The following GALNTL6 variants were observed in gnomAD, a reference collection of about 807,000 sequenced individuals.
The protein encoded by GALNTL6 is polypeptide N-acetylgalactosaminyltransferase like 6.
GALNTL6 carries 46 observed loss-of-function variants against 73.7 expected under a neutral mutation model. The ratio of observed to expected loss-of-function variants is 0.62; its 90% CI spans 0.49 to 0.80. The LOEUF (loss-of-function observed/expected upper bound fraction) is 0.80. GALNTL6 is among the 30% of genes least tolerant of loss of function. GALNTL6 has a pLI of 0.00. For synonymous variants in GALNTL6, 259 were observed against 263.7 expected (o/e 0.98, Z 0.17); for missense variants, 604 against 755.0 (o/e 0.80, Z 2.34).
At position 172,529,576 on chromosome 4, in the gene GALNTL6, A is replaced by G. The variant is rs76871711; in HGVS notation, c.553+180887A>G. 8.1e-4 allele frequency among the ~76,000 whole-genome samples: 123 copies of G among 152,290 alleles called. 1 individual carries two copies. Among genetic ancestry groups the G allele is most frequent in the African/African-American group, 2.9e-3 (121 of 41,562 alleles). ...ACTTTCTAAAATAAACACCTGTACCATAAGAAATTTAAGAATTTCTCATGT... is the reference window on the plus strand; with the variant it reads ...ACTTTCTAAAATAAACACCTGTACCGTAAGAAATTTAAGAATTTCTCATGT... On this transcript the variant is annotated intron_variant, in intron 5 of 12. Coordinates refer to ENST00000506823, the MANE Select transcript of GALNTL6 (RefSeq NM_001034845.3).
At chr4:172,374,305 C>A (rs774872721) in intron 5 of GALNTL6, among the ~76,000 whole-genome samples, 1 of 152,134 alleles carries the variant, frequency 6.6e-6, no homozygotes, top group Non-Finnish European at 1.5e-5. Flanking sequence ...GGGCCTGTTC[C>A]TCTTGGTTCC....
At chr4:172,224,052 A>C (rs1736772292) in intron 2 of GALNTL6, among the ~76,000 whole-genome samples, 1 of 152,178 alleles carries the variant, frequency 6.6e-6, no homozygotes, top group African/African-American at 2.4e-5. Context: ...TAATGATTTA[A>C]GGTTTTTCTC....
At chr4:171,866,704 T>C (rs1323866437) in intron 2 of GALNTL6, among the ~76,000 whole-genome samples, 1 of 152,218 alleles carries the variant, frequency 6.6e-6, no homozygotes, top group East Asian at 1.9e-4. Context: ...GGTCGGGTTC[T>C]GTTGAAGACA....
At chr4:172,860,784 T>C (rs1196936701) in intron 7 of GALNTL6, among the ~76,000 whole-genome samples, 1 of 152,216 alleles carries the variant, frequency 6.6e-6, no homozygotes, top group East Asian at 1.9e-4. Flanking sequence ...ACATTAATGA[T>C]GCTTAAATCA....
intron 12 of GALNTL6, among the ~76,000 whole-genome samples, chr4:173,037,589 A>G (rs138873024): frequency 1.2e-4 from 19 of 152,334 alleles, no homozygotes; most frequent in Non-Finnish European, 2.2e-4. Context: ...TAAAATGTTC[A>G]GAAAGTCTGG....
At chr4:172,238,742 A>G (rs2110987368) in intron 3 of GALNTL6, among the ~76,000 whole-genome samples, 1 of 152,260 alleles carries the variant, frequency 6.6e-6, no homozygotes, top group Non-Finnish European at 1.5e-5. Context: ...TGGGCTTGTC[A>G]CAGATGGCTC....
chr4:173,005,765 TGA>T (rs1377663207), intron 10 of GALNTL6, among the ~76,000 whole-genome samples: 1 of 152,174 alleles, frequency 6.6e-6, no homozygotes, highest in Non-Finnish European at 1.5e-5. Context: ...TATCCTATAG[TGA>T]ACTCACAGCA....
intron 7 of GALNTL6, among the ~76,000 whole-genome samples, chr4:172,831,157 C>CATA (rs1742611061): frequency 1.6e-5 from 1 of 63,882 alleles, no homozygotes; most frequent in African/African-American, 6.2e-5. Context: ...GACTCCCTCT[C>CATA]AAAAAAAAAA....
chr4:172,830,973 G>A (rs745319357), intron 7 of GALNTL6, among the ~76,000 whole-genome samples: 11 of 151,942 alleles, frequency 7.2e-5, no homozygotes, highest in South Asian at 4.2e-4. Context: ...CAGCCTGACC[G>A]ACATGGTGAA....
chr4:172,408,498 A>G (rs146699528), intron 5 of GALNTL6, among the ~76,000 whole-genome samples: 2,157 of 152,148 alleles, frequency 0.014, 29 homozygotes, highest in Middle Eastern at 0.031. Flanking sequence ...ATATATTTAC[A>G]TATGTGTGAC....
chr4:172,777,630 T>A (rs1739143432), intron 5 of GALNTL6, among the ~76,000 whole-genome samples: 1 of 152,234 alleles, frequency 6.6e-6, no homozygotes, highest in African/African-American at 2.4e-5. Context: ...ATTCATTTTC[T>A]TATCATTTCC....
At chr4:172,140,272 C>T (rs1404047756) in intron 2 of GALNTL6, among the ~76,000 whole-genome samples, 1 of 151,998 alleles carries the variant, frequency 6.6e-6, no homozygotes, top group Non-Finnish European at 1.5e-5. Context: ...TACCTTTAGG[C>T]TACATTCAGC....
intron 8 of GALNTL6, among the ~76,000 whole-genome samples, chr4:172,906,160 CA>C (rs974003105): frequency 5.3e-5 from 8 of 150,690 alleles, no homozygotes; most frequent in Non-Finnish European, 1.2e-4. Context: ...TTTACATGGC[CA>C]AAAGGAAATA....
At chr4:172,610,547 T>G (rs898303918) in intron 5 of GALNTL6, among the ~76,000 whole-genome samples, 2 of 152,098 alleles carry the variant, frequency 1.3e-5, no homozygotes, top group African/African-American at 4.8e-5. Flanking sequence ...TTCTGTGGCT[T>G]GAGAGTGTGC....
chr4:172,301,105 A>G (rs1361552965), intron 3 of GALNTL6, among the ~76,000 whole-genome samples: 1 of 151,478 alleles, frequency 6.6e-6, no homozygotes, highest in Admixed American at 6.6e-5. Flanking sequence ...TTCTCTCTTC[A>G]TTTCATTCAT....
Position 172,396,353 on chromosome 4 carries a change from C to T in GALNTL6, c.553+47664C>T, listed in dbSNP as rs189138488. 1.7e-4 allele frequency among the ~76,000 whole-genome samples: 25 copies of T among 146,146 alleles called. No homozygotes were observed. The East Asian group carries it at 1.8e-3, about 10-fold the overall frequency. ...TTTAAGTCTAAGCCTTTATATTCTA[C>T]GTGTTTTGATTTACCATAGTCCTCA... On this transcript the variant is annotated intron_variant, in intron 5 of 12. Coordinates refer to ENST00000506823, the MANE Select transcript of GALNTL6 (RefSeq NM_001034845.3).
intron 5 of GALNTL6, among the ~76,000 whole-genome samples, chr4:172,777,230 G>A (rs552933950): frequency 6.6e-6 from 1 of 152,170 alleles, no homozygotes; most frequent in African/African-American, 2.4e-5. Context: ...ACTCTTTACA[G>A]GCATTGGAAA....
In GALNTL6 at chr4:172,475,449, G is replaced by A. The variant is rs567043376; in HGVS notation, c.553+126760G>A. ...ACAAGGTTGGCAGAAAAAAAAAAAA[G>A]CATTCCAATTTGAGTGGACAGGTGC... is the stretch of plus-strand genomic sequence containing the variant. On this transcript the variant is annotated intron_variant, in intron 5 of 12. Coordinates refer to ENST00000506823, the MANE Select transcript of GALNTL6 (RefSeq NM_001034845.3). Among the ~76,000 whole-genome samples the A allele has an allele frequency of 3.0e-4, 46 of 151,262 alleles. No homozygotes were observed. In the South Asian group the frequency reaches 9.4e-3, roughly 31 times the overall value.
chr4:171,873,402 G>T (rs1736189948), intron 2 of GALNTL6, among the ~76,000 whole-genome samples: 1 of 152,160 alleles, frequency 6.6e-6, no homozygotes, highest in Non-Finnish European at 1.5e-5. Flanking sequence ...ATGGAGATAA[G>T]AATAAAATTG....
Sources: gnomAD v4.1 joint callset for allele counts (sites outside exome capture counted in the v4.1 genomes callset) on GRCh38, gnomAD v4.1.1 for gene constraint, MANE v1.5 for transcripts, NCBI Gene and HGNC (gene_info 2026-07-23, HGNC 2026-07-21) for gene names.